Variants in GNPTAB observed in about 807,000 individuals in gnomAD.
GNPTAB encodes the protein N-acetylglucosamine-1-phosphotransferase subunits alpha/beta.
A neutral mutation model predicts 136.6 loss-of-function variants in GNPTAB; 92 were observed. That is an observed-to-expected ratio of 0.67 (90% CI 0.57 to 0.80). The LOEUF is 0.80. Ranked by LOEUF, GNPTAB falls within the 30% of genes least tolerant of loss-of-function variation. The pLI is 0.00. For missense variants in GNPTAB, 1,343 were observed against 1,501.8 expected, an observed-to-expected ratio of 0.89 and a Z score of 1.75; for synonymous variants, 512 against 535.1, an observed-to-expected ratio of 0.96 and a Z score of 0.60.
At position 101,753,421 on chromosome 12, in the gene GNPTAB, GC is replaced by G; in HGVS notation, c.3552del (p.Pro1185GlnfsTer24). The G allele has an allele frequency of 6.2e-7, 1 of 1,613,900 alleles. No individual in the cohort carries two copies. Among genetic ancestry groups the G allele is most frequent in the Non-Finnish European group, 8.5e-7 (1 of 1,179,844 alleles). ...SMFPIPSQFE[L>X]PREYRNRFLH... ...AGGAAACGGTTTCGATACTCTCTTG[GC>G]AGTTCAAATTGGGAAGGTATGGGGA... On this transcript the variant is annotated frameshift_variant, in exon 19 of 21. Transcript: ENST00000299314. LOFTEE classifies it high-confidence loss of function.
At chr12:101,821,662 A>AG (rs2137186692) in intron 1 of GNPTAB, among the ~76,000 whole-genome samples, 1 of 152,272 alleles carries the variant, frequency 6.6e-6, no homozygotes, top group South Asian at 2.1e-4. Flanking sequence ...ACCTCATTCA[A>AG]GGGGGAGCAG....
At position 101,746,965 on chromosome 12, in the gene GNPTAB, C is replaced by G. The variant is rs1277236052; in HGVS notation, c.*199G>C. The G allele has an allele frequency of 1.7e-6, 1 of 586,324 alleles. No individual in the cohort carries two copies. Among genetic ancestry groups the G allele is most frequent in the African/African-American group, 1.9e-5 (1 of 53,630 alleles). The allele number at this position is 586,324 out of a possible 1,614,324, so 36.3% of individuals were successfully genotyped here. A position where few individuals can be genotyped will look rare whatever the true frequency, so the allele number is the denominator to read the frequency against. On this transcript the variant is annotated 3_prime_UTR_variant, in exon 21 of 21. Transcript: ENST00000299314. ...AAAGTAAAATCAGTTCAGAGCTGCT[C>G]AACACACAAGTTTTCAGTGGGTTGG...
intron 1 of GNPTAB, among the ~76,000 whole-genome samples, chr12:101,826,408 T>C (rs979118704): frequency 1.3e-5 from 2 of 152,158 alleles, no homozygotes; most frequent in Non-Finnish European, 2.9e-5. Flanking sequence ...AACCCTCTAT[T>C]AGTAATCCTG....
intron 20 of GNPTAB, among the ~76,000 whole-genome samples, chr12:101,748,081 G>A (rs1342873244): frequency 6.6e-6 from 1 of 152,130 alleles, no homozygotes; most frequent in Non-Finnish European, 1.5e-5. Flanking sequence ...TCTAAAAGCA[G>A]GTACAGCCTT....
At chr12:101,820,729 C>T (rs1385488552) in intron 1 of GNPTAB, among the ~76,000 whole-genome samples, 2 of 152,118 alleles carry the variant, frequency 1.3e-5, no homozygotes, top group Non-Finnish European at 2.9e-5. Context: ...GCAATTCTTA[C>T]CCTCTACGGT....
chr12:101,762,824 G>A (rs886771871), intron 13 of GNPTAB, among the ~76,000 whole-genome samples: 8 of 150,270 alleles, frequency 5.3e-5, no homozygotes, highest in African/African-American at 2.0e-4. Context: ...ACTGAAGAAG[G>A]AAGAACTTTC....
At chr12:101,756,080 T>C (rs982244210) in intron 18 of GNPTAB, 1 of 152,312 alleles carries the variant, frequency 6.6e-6, no homozygotes, top group Non-Finnish European at 1.5e-5. Flanking sequence ...AACAGTACAC[T>C]TCAAGTGGAG....
chr12:101,752,936 A>ATT (rs1952841553), intron 19 of GNPTAB, among the ~76,000 whole-genome samples: 1 of 152,200 alleles, frequency 6.6e-6, no homozygotes, highest in Non-Finnish European at 1.5e-5. Flanking sequence ...TTTTACAAAG[A>ATT]AATTAAAGAG....
chr12:101,823,939 T>C, intron 1 of GNPTAB, among the ~76,000 whole-genome samples: 1 of 152,188 alleles, frequency 6.6e-6, no homozygotes, highest in East Asian at 1.9e-4. Flanking sequence ...AGACACAATG[T>C]CACCAGTAAA....
At position 101,747,107 on chromosome 12, in the gene GNPTAB, C is replaced by T; in HGVS notation, c.*57G>A. 1.0e-6 allele frequency: 1 copy of T among 990,428 alleles called. No homozygotes were observed. Among genetic ancestry groups the T allele is most frequent in the South Asian group, 1.3e-5 (1 of 78,296 alleles). 61.4% of individuals were successfully genotyped at this position (990,428 alleles called of 1,614,324 possible). On this transcript the variant is annotated 3_prime_UTR_variant, in exon 21 of 21. Transcript: ENST00000299314. ...ACATCACAAAGACATCTCTGTGAAG[C>T]TGAGTTTTAAAATGCTCAGTAAATG...
At chr12:101,781,152 TAAG>T (rs921305634) in intron 5 of GNPTAB, among the ~76,000 whole-genome samples, 17 of 152,146 alleles carry the variant, frequency 1.1e-4, no homozygotes, top group Non-Finnish European at 1.0e-4. Flanking sequence ...TGGAGCATCA[TAAG>T]TCACAGTAGG....
Position 101,830,662 on chromosome 12 carries a change from A to C in GNPTAB, c.14T>G (p.Leu5Arg). 20 of 1,597,250 alleles carry C rather than the reference A, an allele frequency of 1.3e-5. No homozygotes were observed. The highest frequency in any genetic ancestry group is 1.7e-5 in the Non-Finnish European group (20 of 1,165,720). The change falls in exon 1 of 21, where the codon CTC (leucine) becomes CGC (arginine). Residue 5 changes from leucine to arginine, a missense_variant. Coordinates refer to ENST00000299314, the MANE Select transcript of GNPTAB (RefSeq NM_024312.5). Reference protein sequence around the residue: MLFKLLQRQTYTCLS... With the variant: MLFKRLQRQTYTCLS... ...GCAGGTATAGGTCTGTCTCTGCAGG[A>C]GCTTGAACAGCATCACCCCTTCACC...
At chr12:101,775,616 G>A (rs958534817) in intron 7 of GNPTAB, among the ~76,000 whole-genome samples, 18 of 151,980 alleles carry the variant, frequency 1.2e-4, no homozygotes, top group Admixed American at 2.6e-4. Context: ...GCCCGCCTCG[G>A]CCTCTCAAAG....
intron 4 of GNPTAB, among the ~76,000 whole-genome samples, chr12:101,786,665 TAAACA>T (rs768280540): frequency 5.3e-5 from 8 of 152,346 alleles, no homozygotes; most frequent in Non-Finnish European, 7.3e-5. Flanking sequence ...TACACTGATG[TAAACA>T]AAAGCAACTG....
chr12:101,821,840 A>C (rs1188834881), intron 1 of GNPTAB, among the ~76,000 whole-genome samples: 2 of 152,084 alleles, frequency 1.3e-5, no homozygotes, highest in African/African-American at 4.8e-5. Flanking sequence ...AGAAGTTGTC[A>C]CTCCGCTGGA....
chr12:101,773,088 G>A (rs1953204613), intron 7 of GNPTAB: 1 of 218,516 alleles, frequency 4.6e-6, no homozygotes, highest in Non-Finnish European at 9.4e-6. Flanking sequence ...TGGGATTACA[G>A]GCGTAAGCCA....
At chr12:101,763,085 GCTGGCACATGC>G (rs1953026280) in intron 13 of GNPTAB, among the ~76,000 whole-genome samples, 1 of 151,838 alleles carries the variant, frequency 6.6e-6, no homozygotes, top group Non-Finnish European at 1.5e-5. Flanking sequence ...GGCCAGGCAT[GCTGGCACATGC>G]CTGTAATCCC....
intron 7 of GNPTAB, 91 bp downstream of exon 7, chr12:101,780,061 A>T: frequency 7.8e-7 from 1 of 1,287,156 alleles, no homozygotes; most frequent in Non-Finnish European, 1.1e-6. Flanking sequence ...TTATCAGCTA[A>T]ACTTTGGGGG....
At chr12:101,762,721 C>T (rs1953018701) in intron 13 of GNPTAB, among the ~76,000 whole-genome samples, 2 of 151,958 alleles carry the variant, frequency 1.3e-5, no homozygotes, top group Non-Finnish European at 2.9e-5. Context: ...CTATATATAA[C>T]TATACATACA....
Sources: allele counts gnomAD v4.1 joint callset (sites outside exome capture counted in the v4.1 genomes callset), GRCh38; gene constraint gnomAD v4.1.1; transcripts MANE v1.5; gene names NCBI Gene and HGNC (gene_info 2026-07-23, HGNC 2026-07-21).